Variants in CACHD1 observed in about 807,000 individuals in gnomAD.
CACHD1 encodes cache domain containing 1.
A neutral mutation model predicts 138.7 loss-of-function variants in CACHD1; 71 were observed. The ratio of observed to expected loss-of-function variants is 0.51; its 90% CI spans 0.42 to 0.62. CACHD1 has a LOEUF of 0.62. Ranked by LOEUF, CACHD1 falls within the 20% of genes least tolerant of loss-of-function variation. The pLI is 0.00. For missense variants in CACHD1, 1,389 were observed against 1,625.3 expected, an observed-to-expected ratio of 0.85 and a Z score of 2.50; for synonymous variants, 578 against 591.5, an observed-to-expected ratio of 0.98 and a Z score of 0.33.
rs753613222 is a variant in CACHD1, at chr1:64,663,775, G to A, written c.2032G>A (p.Val678Ile). 3.7e-6 allele frequency: 6 copies of A among 1,614,054 alleles called. No individual in the cohort carries two copies. The Middle Eastern group carries it at 4.9e-4, about 133-fold the overall frequency. ...CAGCCAGCCAGAGACAAAGCGCATG[G>A]TAGAGCACTACACCGCCTATCTCAG... ...HLSQPETKRM[V>I]EHYTAYLSDN... is the part of the protein sequence containing the mutation. The change falls in exon 14 of 27, where the codon GTA becomes ATA. Residue 678 changes from valine to isoleucine, a missense_variant. By Grantham distance (29) the Val-to-Ile change is conservative. This residue lies in a region of CACHD1 where 1,000 missense variants were observed against 1,114.7 expected (regional missense o/e 0.90). Coordinates refer to ENST00000651257, the MANE Select transcript of CACHD1 (RefSeq NM_020925.4).
At chr1:64,619,052 G>A (rs963346494) in intron 4 of CACHD1, among the ~76,000 whole-genome samples, 7 of 152,170 alleles carry the variant, frequency 4.6e-5, no homozygotes, top group Non-Finnish European at 8.8e-5. Flanking sequence ...TCCCATAGAT[G>A]AGGTGGTTTA....
At chr1:64,683,303 T>G (rs1026697907) in intron 26 of CACHD1, among the ~76,000 whole-genome samples, 4 of 152,238 alleles carry the variant, frequency 2.6e-5, no homozygotes, top group Non-Finnish European at 4.4e-5. Context: ...TTGACTTTTT[T>G]GCTTTTTTCT....
intron 1 of CACHD1, among the ~76,000 whole-genome samples, chr1:64,522,488 A>C (rs1646505769): frequency 6.6e-6 from 1 of 152,002 alleles, no homozygotes; most frequent in Admixed American, 6.6e-5. Flanking sequence ...TTGTATTTTT[A>C]GTAGAGATGG....
intron 4 of CACHD1, among the ~76,000 whole-genome samples, chr1:64,618,592 G>C (rs12407953): frequency 0.088 from 13,401 of 152,176 alleles, 720 homozygotes; most frequent in Admixed American, 0.16. Context: ...TATGGCCCCT[G>C]CAGAATAGTA....
chr1:64,690,811 C>A (rs1407898142), intron 26 of CACHD1, among the ~76,000 whole-genome samples: 1 of 152,210 alleles, frequency 6.6e-6, no homozygotes. Flanking sequence ...TCTATTGTGG[C>A]GTCACATTCA....
At chr1:64,559,361 A>G (rs947390976) in intron 2 of CACHD1, among the ~76,000 whole-genome samples, 3 of 152,246 alleles carry the variant, frequency 2.0e-5, no homozygotes, top group African/African-American at 4.8e-5. Flanking sequence ...ATGGAGCTGA[A>G]GGCTATTACC....
At chr1:64,532,257 T>C (rs959519350) in intron 1 of CACHD1, among the ~76,000 whole-genome samples, 30 of 152,274 alleles carry the variant, frequency 2.0e-4, no homozygotes, top group African/African-American at 6.7e-4. Context: ...GATGTACAAC[T>C]TGGGCCCTTC....
At chr1:64,615,143 C>T (rs1647667969) in intron 4 of CACHD1, among the ~76,000 whole-genome samples, 1 of 152,214 alleles carries the variant, frequency 6.6e-6, no homozygotes, top group Non-Finnish European at 1.5e-5. Flanking sequence ...CAGCACGCTG[C>T]CAGCCGCCTC....
intron 2 of CACHD1, among the ~76,000 whole-genome samples, chr1:64,561,156 G>T (rs914170224): frequency 2.0e-5 from 3 of 149,684 alleles, no homozygotes; most frequent in Admixed American, 6.7e-5. Context: ...TTAATATTTT[G>T]GGTTTTTTTT....
At chr1:64,493,778 C>G (rs2100303673) in intron 1 of CACHD1, among the ~76,000 whole-genome samples, 1 of 152,276 alleles carries the variant, frequency 6.6e-6, no homozygotes, top group Non-Finnish European at 1.5e-5. Context: ...TTTTCTCCTC[C>G]CTGCAGTGGA....
chr1:64,567,783 C>T (rs1216070536), intron 2 of CACHD1, among the ~76,000 whole-genome samples: 1 of 152,176 alleles, frequency 6.6e-6, no homozygotes, highest in Non-Finnish European at 1.5e-5. Flanking sequence ...GAGAGTCTTA[C>T]ATCAGCTGAT....
chr1:64,687,878 C>A (rs1650417304), intron 26 of CACHD1, among the ~76,000 whole-genome samples: 1 of 151,976 alleles, frequency 6.6e-6, no homozygotes, highest in Non-Finnish European at 1.5e-5. Flanking sequence ...CAGGAACTTA[C>A]AATTTAAGAA....
chr1:64,507,658 CG>C (rs1646388019), intron 1 of CACHD1, among the ~76,000 whole-genome samples: 1 of 152,056 alleles, frequency 6.6e-6, no homozygotes, highest in Admixed American at 6.5e-5. Flanking sequence ...ATTAGGAACA[CG>C]AGCCAGGAAG....
intron 2 of CACHD1, among the ~76,000 whole-genome samples, chr1:64,577,454 G>A (rs1362226067): frequency 6.6e-6 from 1 of 152,156 alleles, no homozygotes; most frequent in African/African-American, 2.4e-5. Flanking sequence ...AGAAATGTGG[G>A]GAGAGGGTTG....
At chr1:64,631,322 T>A (rs564893285) in intron 5 of CACHD1, among the ~76,000 whole-genome samples, 113 of 152,238 alleles carry the variant, frequency 7.4e-4, no homozygotes, top group Admixed American at 1.8e-3. Flanking sequence ...TTCCTTCTTT[T>A]CTGTACTCTG....
chr1:64,576,862 C>T (rs1403141491), intron 2 of CACHD1, among the ~76,000 whole-genome samples: 1 of 151,638 alleles, frequency 6.6e-6, no homozygotes, highest in Non-Finnish European at 1.5e-5. Context: ...GTAATTTATT[C>T]CATGGTACTC....
At chr1:64,681,420 G>C in intron 25 of CACHD1, 85 bp downstream of exon 25, 2 of 1,108,370 alleles carry the variant, frequency 1.8e-6, no homozygotes, top group Non-Finnish European at 2.6e-6. Context: ...CTTTTGGCTT[G>C]TATTAAAATT....
At chr1:64,575,146 A>T (rs535515047) in intron 2 of CACHD1, among the ~76,000 whole-genome samples, 2 of 152,316 alleles carry the variant, frequency 1.3e-5, no homozygotes, top group South Asian at 4.1e-4. Context: ...TAGCCTTTGT[A>T]TATTCACTGT....
intron 1 of CACHD1, among the ~76,000 whole-genome samples, chr1:64,472,035 G>T (rs549472200): frequency 6.6e-6 from 1 of 152,082 alleles, no homozygotes; most frequent in Non-Finnish European, 1.5e-5. Context: ...ACAATCATGG[G>T]GATGAATGTG....
Sources: gnomAD v4.1 joint callset for allele counts (sites outside exome capture counted in the v4.1 genomes callset) on GRCh38, gnomAD v4.1.1 for gene constraint, gnomAD v4.1.1 regional missense constraint, MANE v1.5 for transcripts, NCBI Gene and HGNC (gene_info 2026-07-23, HGNC 2026-07-21) for gene names.